LRIG1: variants seen among roughly 807,000 people sequenced by gnomAD.
LRIG1 encodes the protein leucine rich repeats and immunoglobulin like domains 1, also known as leucine-rich repeats and immunoglobulin-like domains protein 1.
A neutral mutation model predicts 99.2 loss-of-function variants in LRIG1; 48 were observed. That is an observed-to-expected ratio of 0.48 (90% CI 0.38 to 0.62). The LOEUF (loss-of-function observed/expected upper bound fraction) is 0.62. Among genes scored for constraint, LRIG1 ranks in the 20% least tolerant of loss-of-function variants. The probability of loss-of-function intolerance (pLI) is 0.00; values close to 1 mark genes in which losing one functional copy is unlikely to be tolerated. For synonymous variants in LRIG1, 772 were observed against 596.1 expected, an observed-to-expected ratio of 1.29 and a Z score of -4.30; for missense variants, 1,646 against 1,434.4, an observed-to-expected ratio of 1.15 and a Z score of -2.38.
At chr3:66,429,367 A>G (rs898615205) in intron 3 of LRIG1, among the ~76,000 whole-genome samples, 2 of 152,206 alleles carry the variant, frequency 1.3e-5, no homozygotes, top group African/African-American at 4.8e-5. Flanking sequence ...CCAGGACCCA[A>G]TCCAAACTAT....
chr3:66,408,963 G>GTGTGTGTGTGTGTGTGT (rs1702373267), intron 7 of LRIG1, among the ~76,000 whole-genome samples: 1 of 73,330 alleles, frequency 1.4e-5, no homozygotes, highest in Non-Finnish European at 2.9e-5. Context: ...TGTGTGTGTG[G>GTGTGTGTGTGTGTGTGT]TGGGGGGAGG....
chr3:66,474,240 C>T (rs1216429604), intron 1 of LRIG1, among the ~76,000 whole-genome samples: 1 of 152,150 alleles, frequency 6.6e-6, no homozygotes, highest in East Asian at 1.9e-4. Context: ...GGAAAACTGG[C>T]TGTGAAAATG....
At chr3:66,428,168 T>TG (rs1703042985) in intron 3 of LRIG1, among the ~76,000 whole-genome samples, 2 of 152,252 alleles carry the variant, frequency 1.3e-5, no homozygotes, top group South Asian at 4.1e-4. Flanking sequence ...TGTCCAGGCA[T>TG]GGAATTGCTA....
At chr3:66,390,400 C>G (rs78200096) in intron 12 of LRIG1, among the ~76,000 whole-genome samples, 2 of 152,062 alleles carry the variant, frequency 1.3e-5, no homozygotes, top group African/African-American at 4.8e-5. Flanking sequence ...AACAGAAATA[C>G]CTTTAACAGT....
In LRIG1 at chr3:66,383,206, T is replaced by C. The variant is rs1701184556; in HGVS notation, c.2267A>G (p.Glu756Gly). Residue 756 changes from glutamate to glycine, a missense_variant, in exon 15 of 19, where the codon GAG (glutamate) becomes GGG (glycine). By Grantham distance (98) the Glu-to-Gly change is moderately conservative. Transcript: ENST00000273261. ...CTCACAGGTATATCGGCCCGCATCC[T>C]CTGCCACCACGTTCTGAACCACCAG... ...QLLVVQNVVA[E>G]DAGRYTCEMS... 2.5e-6 allele frequency: 4 copies of C among 1,614,232 alleles called. No homozygotes were observed. The highest frequency in any genetic ancestry group is 3.4e-6 in the Non-Finnish European group (4 of 1,180,048).
intron 12 of LRIG1, among the ~76,000 whole-genome samples, chr3:66,391,460 AC>A (rs1701615219): frequency 6.6e-6 from 1 of 152,236 alleles, no homozygotes; most frequent in South Asian, 2.1e-4. Context: ...GCCATGAAAA[AC>A]AGGAATGAAG....
At chr3:66,471,959 C>T (rs1700605517) in intron 1 of LRIG1, among the ~76,000 whole-genome samples, 1 of 152,252 alleles carries the variant, frequency 6.6e-6, no homozygotes, top group African/African-American at 2.4e-5. Flanking sequence ...TCCTATGAAA[C>T]CACCAATGCA....
chr3:66,440,733 C>T (rs1703511942), intron 3 of LRIG1, among the ~76,000 whole-genome samples: 1 of 152,150 alleles, frequency 6.6e-6, no homozygotes, highest in African/African-American at 2.4e-5. Context: ...AGTGCACGTT[C>T]AGTATATACC....
intron 3 of LRIG1, among the ~76,000 whole-genome samples, chr3:66,439,578 A>G (rs1340858016): frequency 6.6e-6 from 1 of 151,754 alleles, no homozygotes; most frequent in Admixed American, 6.6e-5. Flanking sequence ...TTTTTTTTAA[A>G]AAGAGCCAAG....
At chr3:66,417,058 G>A in intron 4 of LRIG1, 71 bp downstream of exon 4, 1 of 1,579,046 alleles carries the variant, frequency 6.3e-7, no homozygotes, top group Non-Finnish European at 8.7e-7. Flanking sequence ...ATCCAGAACT[G>A]GGTGCCGGTG....
chr3:66,489,089 C>T (rs1256436080), intron 1 of LRIG1, among the ~76,000 whole-genome samples: 2 of 152,202 alleles, frequency 1.3e-5, no homozygotes, highest in African/African-American at 4.8e-5. Context: ...TGAAGGAAAG[C>T]ACCACTTTCT....
intron 1 of LRIG1, among the ~76,000 whole-genome samples, chr3:66,486,417 C>T (rs1294336485): frequency 1.3e-5 from 2 of 152,106 alleles, no homozygotes; most frequent in Non-Finnish European, 2.9e-5. Context: ...ACAACCATGG[C>T]CCCTCATAAC....
chr3:66,451,486 C>G, intron 3 of LRIG1, 73 bp downstream of exon 3: 6 of 1,280,004 alleles, frequency 4.7e-6, no homozygotes, highest in Non-Finnish European at 5.6e-6. Flanking sequence ...TATCCTGCCA[C>G]CAGGTATCAG....
chr3:66,394,863 A>G (rs1049568130), intron 11 of LRIG1, among the ~76,000 whole-genome samples: 21 of 152,312 alleles, frequency 1.4e-4, no homozygotes, highest in Admixed American at 2.6e-4. Flanking sequence ...GGGGGCCGGC[A>G]GAATTCGGCT....
At chr3:66,436,444 C>T (rs532050108) in intron 3 of LRIG1, among the ~76,000 whole-genome samples, 41 of 152,318 alleles carry the variant, frequency 2.7e-4, no homozygotes, top group African/African-American at 9.9e-4. Context: ...ACTCGGCTTG[C>T]TTTGGCATTT....
intron 1 of LRIG1, among the ~76,000 whole-genome samples, chr3:66,468,180 G>C (rs1700517812): frequency 6.6e-6 from 1 of 152,120 alleles, no homozygotes; most frequent in African/African-American, 2.4e-5. Context: ...GTAATTCATT[G>C]ACTCCTTGGA....
intron 7 of LRIG1, among the ~76,000 whole-genome samples, chr3:66,408,106 C>T (rs13075501): frequency 0.026 from 3,925 of 152,268 alleles, 260 homozygotes; most frequent in Admixed American, 0.14. Flanking sequence ...ATGCTTTGCC[C>T]GAACCTCAGA....
chr3:66,500,093 C>A, intron 1 of LRIG1, 97 bp downstream of exon 1: 1 of 950,400 alleles, frequency 1.1e-6, no homozygotes, highest in Middle Eastern at 3.2e-4. Context: ...CACACACAAC[C>A]CAGTCCGCAC....
At chr3:66,405,837 C>A in intron 8 of LRIG1, 1 of 1,130,086 alleles carries the variant, frequency 8.8e-7, no homozygotes, top group Non-Finnish European at 1.1e-6. Context: ...CATCTGGGTG[C>A]TGAGTCAGAC....
Sources: gnomAD v4.1 joint callset for allele counts (sites outside exome capture counted in the v4.1 genomes callset) on GRCh38, gnomAD v4.1.1 for gene constraint, MANE v1.5 for transcripts, NCBI Gene and HGNC (gene_info 2026-07-23, HGNC 2026-07-21) for gene names.